Variants in XKRX observed in about 807,000 individuals in gnomAD.
XKRX encodes the protein XK-related protein 2.
XKRX carries 11 observed loss-of-function variants against 22.4 expected under a neutral mutation model. The ratio of observed to expected loss-of-function variants is 0.49; its 90% CI spans 0.31 to 0.81. The LOEUF is 0.81. Ranked by LOEUF, XKRX falls within the 40% of genes least tolerant of loss-of-function variation. XKRX has a pLI of 0.05. For missense variants in XKRX, 320 were observed against 336.5 expected (o/e 0.95, Z 0.38); for synonymous variants, 114 against 132.2 (o/e 0.86, Z 0.94).
chrX:100,951,568 A>G, the XKRX span, among the ~76,000 whole-genome samples: 9 of 111,394 alleles, frequency 8.1e-5, no homozygotes, highest in Middle Eastern at 4.7e-3. Context: ...AGGAAGTAAC[A>G]ATGTTAAGAG....
At chrX:100,911,532 T>G, downstream of XKRX, 2 of 587,760 alleles carry the variant, frequency 3.4e-6, no homozygotes, top group Non-Finnish European at 6.0e-6. Flanking sequence ...ACAAACCAAT[T>G]GAAAAAACTG....
chrX:100,927,238 G>A (rs1250521529), intron 1 of XKRX, among the ~76,000 whole-genome samples: 1 of 109,538 alleles, frequency 9.1e-6, no homozygotes, highest in Non-Finnish European at 1.9e-5. Context: ...GAGTGCAGTG[G>A]CACCGATCTT....
chrX:100,909,920 A>G (rs1267453311), downstream of XKRX, among the ~76,000 whole-genome samples: 2 of 103,003 alleles, frequency 1.9e-5, no homozygotes, highest in African/African-American at 3.7e-5. Context: ...AAAAAAAAAA[A>G]AAAAAAAAAA....
chrX:100,941,500 G>T, the XKRX span, among the ~76,000 whole-genome samples: 1 of 111,443 alleles, frequency 9.0e-6, no homozygotes, highest in Admixed American at 9.5e-5. Flanking sequence ...AGTGAGCCGA[G>T]ATTGCGCTAT....
the XKRX span, among the ~76,000 whole-genome samples, chrX:100,895,859 G>A: frequency 8.9e-6 from 1 of 111,963 alleles, no homozygotes; most frequent in African/African-American, 3.2e-5. Flanking sequence ...CAGGCTGTCA[G>A]GGCTGTTTAA....
chrX:100,948,544 C>A, the XKRX span, among the ~76,000 whole-genome samples: 4 of 112,032 alleles, frequency 3.6e-5, no homozygotes, highest in Non-Finnish European at 5.6e-5. Flanking sequence ...TGCCAATAGG[C>A]CCAGACCCAA....
At chrX:100,887,342 A>G in the XKRX span, among the ~76,000 whole-genome samples, 4 of 111,835 alleles carry the variant, frequency 3.6e-5, no homozygotes, top group Non-Finnish European at 1.9e-5. Context: ...AGACTATTAC[A>G]TTTAGCAATC....
chrX:100,945,428 G>C, the XKRX span, among the ~76,000 whole-genome samples: 2 of 112,112 alleles, frequency 1.8e-5, no homozygotes, highest in Non-Finnish European at 3.8e-5. Flanking sequence ...CCTGCTTCTC[G>C]AACTTTAATA....
chrX:100,890,725 T>C, the XKRX span, among the ~76,000 whole-genome samples: 1 of 111,491 alleles, frequency 9.0e-6, no homozygotes, highest in Non-Finnish European at 1.9e-5. Context: ...GCTGGCTCTT[T>C]ATAGGATCAC....
intron 1 of XKRX, among the ~76,000 whole-genome samples, chrX:100,925,849 T>C (rs185941795): frequency 8.9e-6 from 1 of 112,080 alleles, no homozygotes; most frequent in African/African-American, 3.2e-5. Flanking sequence ...CAGATATGGT[T>C]TGGTCCATCC....
In XKRX at chrX:100,927,884, T is replaced by A. The variant is rs756319785; in HGVS notation, c.335+86A>T. 6.2e-5 allele frequency: 65 copies of A among 1,042,503 alleles called. No homozygotes were observed. In the East Asian group the frequency reaches 1.9e-3, roughly 31 times the overall value. The allele number at this position is 1,042,503 out of a possible 1,213,427, so 85.9% of individuals were successfully genotyped here. ...ATGAGAGAATTGATTAGAGCCATAG[T>A]ATCCATCTTGTAAATCTTTCATCTT... On this transcript the variant is annotated intron_variant, in intron 1 of 2. Transcript: ENST00000372956.
the XKRX span, among the ~76,000 whole-genome samples, chrX:100,948,296 TAGAA>T: frequency 9.0e-6 from 1 of 111,315 alleles, no homozygotes; most frequent in South Asian, 3.7e-4. Context: ...CCAAAGAAAG[TAGAA>T]AGAAAGAATT....
the XKRX span, among the ~76,000 whole-genome samples, chrX:100,954,447 A>T: frequency 9.0e-6 from 1 of 111,056 alleles, no homozygotes; most frequent in Non-Finnish European, 1.9e-5. Context: ...CAAAATTGGA[A>T]CCTACATACA....
At chrX:100,893,744 C>T in the XKRX span, among the ~76,000 whole-genome samples, 1 of 111,747 alleles carries the variant, frequency 8.9e-6, no homozygotes, top group African/African-American at 3.3e-5. Context: ...TTCTCACTTA[C>T]AAGGGGAAGC....
chrX:100,932,034 A>T (rs1273935976), upstream of XKRX, among the ~76,000 whole-genome samples: 1 of 111,640 alleles, frequency 9.0e-6, no homozygotes, highest in Non-Finnish European at 1.9e-5. Context: ...AGCCCTTATT[A>T]CTGTACTTTT....
At chrX:100,953,684 G>A in the XKRX span, among the ~76,000 whole-genome samples, 13 of 110,532 alleles carry the variant, frequency 1.2e-4, no homozygotes, top group Non-Finnish European at 2.1e-4. Flanking sequence ...AGAGGTGGGC[G>A]GATCACCTGA....
the XKRX span, chrX:100,957,447 C>G: frequency 1.7e-6 from 2 of 1,191,338 alleles, no homozygotes. Context: ...TGAGGCCTCT[C>G]GCTCCCACCT....
Position 100,928,904 on chromosome X carries a change from T to C in XKRX, c.-600A>G. 1.4e-6 allele frequency: 1 copy of C among 722,197 alleles called. No homozygotes were observed. Among genetic ancestry groups the C allele is most frequent in the Non-Finnish European group, 1.6e-6 (1 of 610,033 alleles). 59.5% of individuals were successfully genotyped at this position (722,197 alleles called of 1,213,427 possible). A position where few individuals can be genotyped will look rare whatever the true frequency, so the allele number is the denominator to read the frequency against. ...TCAGCTGGCCCGCTCACCTGCGCGC[T>C]CTCAGGACCTTTGCCGAGTCCAGGG... is the stretch of plus-strand genomic sequence containing the variant. On this transcript the variant is annotated 5_prime_UTR_variant, in exon 1 of 3. Coordinates refer to ENST00000372956, the MANE Select transcript of XKRX (RefSeq NM_212559.3).
At chrX:100,953,179 T>C in the XKRX span, among the ~76,000 whole-genome samples, 2 of 111,414 alleles carry the variant, frequency 1.8e-5, no homozygotes, top group Non-Finnish European at 3.8e-5. Flanking sequence ...TCCCAGCTAC[T>C]CTGGAGGCTG....
Sources: gnomAD v4.1 joint callset for allele counts (sites outside exome capture counted in the v4.1 genomes callset) on GRCh38, gnomAD v4.1.1 for gene constraint, MANE v1.5 for transcripts, NCBI Gene and HGNC (gene_info 2026-07-23, HGNC 2026-07-21) for gene names.